TGS1: variants seen among roughly 807,000 people sequenced by gnomAD.
The protein encoded by TGS1 is trimethylguanosine synthase.
A neutral mutation model predicts 92.2 loss-of-function variants in TGS1; 69 were observed. That is an observed-to-expected ratio of 0.75 (90% confidence interval 0.62 to 0.91). The LOEUF (loss-of-function observed/expected upper bound fraction) is 0.91, where lower values mean the gene tolerates loss of function less well. Ranked by LOEUF, TGS1 falls within the 40% of genes least tolerant of loss-of-function variation. The pLI is 0.00. For synonymous variants in TGS1, 345 were observed against 338.1 expected, an observed-to-expected ratio of 1.02 and a Z score of -0.22; for missense variants, 1,062 against 1,001.2, an observed-to-expected ratio of 1.06 and a Z score of -0.82.
At chr8:55,821,253 A>C (rs746692481) in intron 12 of TGS1, among the ~76,000 whole-genome samples, 4 of 152,198 alleles carry the variant, frequency 2.6e-5, no homozygotes, top group Non-Finnish European at 4.4e-5. Context: ...TATTTGTTTT[A>C]TTTGTCCGTC....
chr8:55,826,259 C>T lies in TGS1; in HGVS notation c.*1556C>T, dbSNP rs1044283732. Among the ~76,000 whole-genome samples the T allele has an allele frequency of 1.2e-4, 18 of 152,092 alleles. No homozygotes were observed. The highest frequency in any genetic ancestry group is 4.3e-4 in the African/African-American group (18 of 41,400). ...TGTCACTTAACCTTTCTTGCATATACTTCTTTCCACAGCTCATTTTCTTAC... is the reference window on the plus strand; with the variant it reads ...TGTCACTTAACCTTTCTTGCATATATTTCTTTCCACAGCTCATTTTCTTAC... On this transcript the variant is annotated 3_prime_UTR_variant, in exon 13 of 13. Coordinates refer to ENST00000260129, the MANE Select transcript of TGS1 (RefSeq NM_024831.8).
At position 55,796,000 on chromosome 8, in the gene TGS1, A is replaced by G; in HGVS notation, c.1390A>G (p.Ser464Gly). ...GQKYGGIPNF[S>G]HRQVRYLEKN... ...CAGATATGGTGGAATCCCAAATTTC[A>G]GTCATCGGCAGGTCAGGTATTTAGA... is the stretch of plus-strand genomic sequence containing the variant. The change falls in exon 7 of 13, where the codon AGT becomes GGT. Residue 464 changes from serine (S) to glycine (G), a missense_variant. Coordinates refer to ENST00000260129, the MANE Select transcript of TGS1 (RefSeq NM_024831.8). 6.2e-7 allele frequency: 1 copy of G among 1,613,322 alleles called. No individual in the cohort carries two copies. The highest frequency in any genetic ancestry group is 8.5e-7 in the Non-Finnish European group (1 of 1,179,678).
At chr8:55,775,345 T>A (rs1262740887) in intron 1 of TGS1, among the ~76,000 whole-genome samples, 1 of 152,152 alleles carries the variant, frequency 6.6e-6, no homozygotes, top group Non-Finnish European at 1.5e-5. Context: ...CTTTGTAGAC[T>A]ATAGGAAAAC....
chr8:55,785,044 A>T (rs1811667617), intron 2 of TGS1, among the ~76,000 whole-genome samples: 1 of 151,620 alleles, frequency 6.6e-6, no homozygotes, highest in Non-Finnish European at 1.5e-5. Flanking sequence ...TATTACTGTC[A>T]ATTGGTGTTT....
Position 55,796,064 on chromosome 8 carries a change from G to A in TGS1, c.1454G>A (p.Arg485His), listed in dbSNP as rs536090557. The A allele has an allele frequency of 2.9e-5, 47 of 1,612,638 alleles. No homozygotes were observed. Among genetic ancestry groups the A allele is most frequent in the Middle Eastern group, 1.7e-4 (1 of 6,054 alleles). Residue 485 changes from arginine to histidine, a missense_variant, in exon 7 of 13, where the codon CGC becomes CAC. Transcript: ENST00000260129. ...CTTAAGTCTAAGTACCTAGACATGC[G>A]CAGACAAATAAAGATGAAAAACAAA... is the stretch of plus-strand genomic sequence containing the variant. ...VKLKSKYLDM[R>H]RQIKMKNKHI...
At chr8:55,796,268 ATT>A (rs111385978) in intron 7 of TGS1, 116 bp downstream of exon 7, 2,283 of 621,248 alleles carry the variant, frequency 3.7e-3, no homozygotes, top group East Asian at 4.8e-3. Flanking sequence ...AAGGTACATA[ATT>A]TTTTTTTTTT....
At chr8:55,811,929 A>G (rs1042741013) in intron 11 of TGS1, among the ~76,000 whole-genome samples, 3 of 152,142 alleles carry the variant, frequency 2.0e-5, no homozygotes, top group East Asian at 1.9e-4. Flanking sequence ...TTGCTATTCA[A>G]TTTTACCATT....
rs1811924850 is a variant in TGS1 at position 55,792,876 on chromosome 8, C to G, written c.1367+92C>G. ...GATACTCAGATAACTAATAAATGATCATGTGTTGAGATGTTATCATTAAAT... is the reference window on the plus strand; with the variant it reads ...GATACTCAGATAACTAATAAATGATGATGTGTTGAGATGTTATCATTAAAT... On this transcript the variant is annotated intron_variant, in intron 6 of 12. Coordinates refer to ENST00000260129, the MANE Select transcript of TGS1 (RefSeq NM_024831.8). The G allele has an allele frequency of 3.7e-6, 3 of 805,082 alleles. No individual in the cohort carries two copies. The East Asian group carries it at 7.6e-5, about 20-fold the overall frequency. 49.9% of individuals were successfully genotyped at this position (805,082 alleles called of 1,614,324 possible). A position where few individuals can be genotyped will look rare whatever the true frequency, so the allele number is the denominator to read the frequency against.
chr8:55,816,107 A>G (rs1224974934), intron 12 of TGS1, among the ~76,000 whole-genome samples: 2 of 152,022 alleles, frequency 1.3e-5, no homozygotes, highest in South Asian at 2.1e-4. Flanking sequence ...ATCCAATTCA[A>G]AAAGCCCAGA....
At chr8:55,792,879 G>A (rs73603138) in intron 6 of TGS1, 95 bp downstream of exon 6, 42,962 of 762,334 alleles carry the variant, frequency 0.056, 1,401 homozygotes, top group African/African-American at 0.1. Context: ...AAATGATCAT[G>A]TGTTGAGATG....
At chr8:55,773,753 C>CA (rs753460983) in intron 1 of TGS1, 34 bp downstream of exon 1, 2 of 1,534,728 alleles carry the variant, frequency 1.3e-6, no homozygotes, top group Non-Finnish European at 1.8e-6. Flanking sequence ...CATGTTCTAG[C>CA]ACAGTCATTA....
At position 55,787,905 on chromosome 8, in the gene TGS1, G is replaced by C. The variant is rs534222922; in HGVS notation, c.1162+845G>C. Reference sequence around the variant, plus strand: ...GGCAAGAGAGAGAGCAAGAGAGAGGGGGGAGGTCCCAGGCTCTTGTTAGCA... The same window carrying C: ...GGCAAGAGAGAGAGCAAGAGAGAGGCGGGAGGTCCCAGGCTCTTGTTAGCA... On this transcript the variant is annotated intron_variant, in intron 4 of 12. Coordinates refer to ENST00000260129, the MANE Select transcript of TGS1 (RefSeq NM_024831.8). 9.7e-4 allele frequency among the ~76,000 whole-genome samples: 148 copies of C among 152,326 alleles called. 1 individual carries two copies. The highest frequency in any genetic ancestry group is 1.6e-3 in the Admixed American group (25 of 15,306).
At chr8:55,777,731 G>A (rs890746888) in intron 1 of TGS1, among the ~76,000 whole-genome samples, 3 of 151,434 alleles carry the variant, frequency 2.0e-5, no homozygotes, top group East Asian at 3.9e-4. Context: ...GTAGAGATGA[G>A]GTTTTACCTT....
chr8:55,820,364 A>G (rs981675050), intron 12 of TGS1, among the ~76,000 whole-genome samples: 3 of 152,134 alleles, frequency 2.0e-5, no homozygotes, highest in Admixed American at 6.6e-5. Flanking sequence ...CCTGGCCAAC[A>G]TCGTGAAACC....
At position 55,824,598 on chromosome 8, in the gene TGS1, G is replaced by A. The variant is rs775285885; in HGVS notation, c.2457G>A (p.Gly819=). The change falls in exon 13 of 13, where the codon GGG becomes GGA. Residue 819 remains glycine (G), a synonymous_variant. Coordinates refer to ENST00000260129, the MANE Select transcript of TGS1 (RefSeq NM_024831.8). ...ADIDQVASLA[G]PGGQVEIEQN... The stretch of plus-strand genomic sequence containing the variant: ...CTTTTTAGGTGGCATCCTTAGCTGG[G>A]CCTGGAGGGCAAGTGGAAATAGAAC... 6.2e-6 allele frequency: 10 copies of A among 1,614,206 alleles called. No homozygotes were observed. In the Admixed American group the frequency reaches 1.7e-4, roughly 27 times the overall value.
intron 1 of TGS1, among the ~76,000 whole-genome samples, chr8:55,781,063 A>G (rs2130110100): frequency 6.6e-6 from 1 of 152,338 alleles, no homozygotes; most frequent in East Asian, 1.9e-4. Flanking sequence ...TTAGAAACCA[A>G]AAGCTGGCTG....
At chr8:55,790,557 A>G (rs778597681) in intron 5 of TGS1, among the ~76,000 whole-genome samples, 4 of 150,376 alleles carry the variant, frequency 2.7e-5, no homozygotes, top group Non-Finnish European at 5.9e-5. Flanking sequence ...GCTGGAGTAC[A>G]TGGTATGATC....
intron 2 of TGS1, 124 bp downstream of exon 2, chr8:55,782,936 C>A: frequency 1.6e-6 from 1 of 631,642 alleles, no homozygotes; most frequent in South Asian, 2.3e-5. Flanking sequence ...CCAAATAATT[C>A]TGTAATCAGA....
At chr8:55,805,881 TAAAAAAAAAA>T (rs60887117) in intron 10 of TGS1, among the ~76,000 whole-genome samples, 6 of 119,190 alleles carry the variant, frequency 5.0e-5, no homozygotes, top group East Asian at 2.6e-4. Context: ...GACTCCATCT[TAAAAAAAAAA>T]AAAAAAAAAA....
Sources: allele counts gnomAD v4.1 joint callset (sites outside exome capture counted in the v4.1 genomes callset), GRCh38; gene constraint gnomAD v4.1.1; transcripts MANE v1.5; gene names NCBI Gene and HGNC (gene_info 2026-07-23, HGNC 2026-07-21).